Variants in ARFGAP1 observed in about 807,000 individuals in gnomAD.
ARFGAP1 encodes the protein ARF GTPase activating protein 1.
In ARFGAP1, 26 loss-of-function variants were observed where a neutral mutation model predicts 54.0. The ratio of observed to expected loss-of-function variants is 0.48; its 90% CI spans 0.35 to 0.67. The LOEUF (loss-of-function observed/expected upper bound fraction) is 0.67, where lower values mean the gene tolerates loss of function less well. Ranked by LOEUF, ARFGAP1 falls within the 30% of genes least tolerant of loss-of-function variation. The probability of loss-of-function intolerance (pLI) is 0.00; values close to 1 mark genes in which losing one functional copy is unlikely to be tolerated. For synonymous variants in ARFGAP1, 248 were observed against 211.9 expected (o/e 1.17, Z -1.48); for missense variants, 525 against 535.8 (o/e 0.98, Z 0.20).
At chr20:63,274,652 G>A (rs531962109) in intron 1 of ARFGAP1, among the ~76,000 whole-genome samples, 7 of 152,290 alleles carry the variant, frequency 4.6e-5, no homozygotes, top group Non-Finnish European at 8.8e-5. Context: ...AGGGATCCAG[G>A]TCTGCTGCCT....
In ARFGAP1 at chr20:63,278,969, A is replaced by G. The variant is rs2067308544; in HGVS notation, c.601A>G (p.Asn201Asp). The G allele has an allele frequency of 1.2e-6, 2 of 1,613,924 alleles. No homozygotes were observed. The highest frequency in any genetic ancestry group is 2.7e-5 in the African/African-American group (2 of 74,926). The change falls in exon 7 of 13, where the codon AAC (asparagine) becomes GAC (aspartate). Residue 201 changes from asparagine to aspartate, a missense_variant. Physicochemically the swap from Asn to Asp is conservative, Grantham distance 23. This residue lies in a region of ARFGAP1 where 466 missense variants were observed against 453.6 expected (regional missense o/e 1.03). Coordinates refer to ENST00000370283, the MANE Select transcript of ARFGAP1 (RefSeq NM_018209.4). The part of the protein sequence containing the change: ...PPQKKEDDFL[N>D]NAMSSLYSGW... ...TCAGAAGAAAGAAGATGACTTCCTC[A>G]ACAACGCCATGTCCTCCCTGTACTC...
intron 1 of ARFGAP1, among the ~76,000 whole-genome samples, chr20:63,274,464 A>G (rs1271678166): frequency 6.6e-6 from 1 of 152,138 alleles, no homozygotes; most frequent in Non-Finnish European, 1.5e-5. Flanking sequence ...TCTTAAACAC[A>G]GTGAAGGAGG....
chr20:63,276,317 A>ACTGCCATTGCATG lies in ARFGAP1; in HGVS notation c.170+117_170+118insCTGCCATTGCATG. ...GGGGGCCACCTCCCATTGCATTGCC[A>ACTGCCATTGCATG]GTGTCCACTCTAGTGACGCCATGGC... On this transcript the variant is annotated intron_variant, in intron 3 of 12. Transcript: ENST00000370283. The surrounding 1 kb of genome is among the most constrained non-coding windows in gnomAD (Gnocchi z 5.2). 1 of 1,383,954 alleles carries ACTGCCATTGCATG rather than the reference A, an allele frequency of 7.2e-7. No homozygotes were observed. The highest frequency in any genetic ancestry group is 1.0e-6 in the Non-Finnish European group (1 of 991,264). The allele number at this position is 1,383,954 out of a possible 1,614,324, so 85.7% of individuals were successfully genotyped here.
chr20:63,280,121 G>A (rs547854550), intron 7 of ARFGAP1, among the ~76,000 whole-genome samples: 42 of 152,120 alleles, frequency 2.8e-4, no homozygotes, highest in Non-Finnish European at 4.9e-4. Context: ...CGACCTGGGC[G>A]ACAGAGTCCG....
Position 63,276,790 on chromosome 20 carries a change from G to C in ARFGAP1, c.342+139G>C, listed in dbSNP as rs1205787719. ...ACACCCACTGGGCCACACACAACTT[G>C]CCGCCCTGGAGCAGAGGCTTCCTGC... On this transcript the variant is annotated intron_variant, in intron 4 of 12. Coordinates refer to ENST00000370283, the MANE Select transcript of ARFGAP1 (RefSeq NM_018209.4). The surrounding 1 kb of genome is among the most constrained non-coding windows in gnomAD (Gnocchi z 5.2). The C allele has an allele frequency of 1.9e-6, 2 of 1,046,206 alleles. No individual in the cohort carries two copies. Among genetic ancestry groups the C allele is most frequent in the African/African-American group, 1.6e-5 (1 of 62,144 alleles). The allele number at this position is 1,046,206 out of a possible 1,614,324, so 64.8% of individuals were successfully genotyped here. A position where few individuals can be genotyped will look rare whatever the true frequency, so the allele number is the denominator to read the frequency against.
intron 1 of ARFGAP1, among the ~76,000 whole-genome samples, chr20:63,274,973 C>T (rs1047281946): frequency 6.6e-6 from 1 of 152,220 alleles, no homozygotes; most frequent in Non-Finnish European, 1.5e-5. Context: ...CCTGCAGCAG[C>T]CACACTGTCG....
intron 7 of ARFGAP1, among the ~76,000 whole-genome samples, chr20:63,279,610 C>T (rs1447963272): frequency 6.6e-6 from 1 of 152,182 alleles, no homozygotes; most frequent in Non-Finnish European, 1.5e-5. Context: ...AGGTTCTCTG[C>T]AGAGGGGAGT....
At chr20:63,285,518 T>C (rs1844584798) in intron 10 of ARFGAP1, 136 bp from the exon 11 acceptor site, 3 of 908,246 alleles carry the variant, frequency 3.3e-6, no homozygotes, top group East Asian at 2.4e-5. Context: ...TGTAGAACTT[T>C]CTGGGGCTCA....
At position 63,283,770 on chromosome 20, in the gene ARFGAP1, T is replaced by C. The variant is rs368686662; in HGVS notation, c.717+919T>C. The C allele has an allele frequency of 4.8e-5, 73 of 1,528,592 alleles. No homozygotes were observed. The African/African-American group carries it at 8.7e-4, about 18-fold the overall frequency. The allele number at this position is 1,528,592 out of a possible 1,614,324, so 94.7% of individuals were successfully genotyped here. A position where few individuals can be genotyped will look rare whatever the true frequency, so the allele number is the denominator to read the frequency against. Reference sequence around the variant, plus strand: ...GCCTTAGTGTTGCGGCACCCCATGGTGGGTTCGAAGGCGCTGCTGGTTACT... The same window carrying C: ...GCCTTAGTGTTGCGGCACCCCATGGCGGGTTCGAAGGCGCTGCTGGTTACT... On this transcript the variant is annotated intron_variant, in intron 9 of 12. Transcript: ENST00000370283.
intron 11 of ARFGAP1, 36 bp downstream of exon 11, chr20:63,285,749 G>GCCAGT: frequency 6.2e-7 from 1 of 1,606,268 alleles, no homozygotes; most frequent in Non-Finnish European, 8.5e-7. Flanking sequence ...CACAGTCGAA[G>GCCAGT]CCAGTCTCCA....
At chr20:63,284,787 T>C (rs2067481452) in intron 9 of ARFGAP1, 79 bp from the exon 10 acceptor site, 3 of 1,585,488 alleles carry the variant, frequency 1.9e-6, no homozygotes, top group Non-Finnish European at 2.6e-6. Context: ...TGCTGCCCTT[T>C]GCTGGCCTGT....
At chr20:63,277,946 C>G (rs2067276004) in intron 5 of ARFGAP1, among the ~76,000 whole-genome samples, 171 bp from the exon 6 acceptor site, 4 of 152,206 alleles carry the variant, frequency 2.6e-5, no homozygotes, top group African/African-American at 9.6e-5. Context: ...GGGGTTTCAG[C>G]ACCTGAGCCC....
chr20:63,283,383 G>GAATCACA, intron 9 of ARFGAP1: 1 of 197,598 alleles, frequency 5.1e-6, no homozygotes, highest in Non-Finnish European at 1.0e-5. Flanking sequence ...GCTGTGATCT[G>GAATCACA]GCTGTCCTCG....
At chr20:63,286,560 G>A in intron 12 of ARFGAP1, 118 bp downstream of exon 12, 2 of 1,008,154 alleles carry the variant, frequency 2.0e-6, no homozygotes, top group Non-Finnish European at 2.9e-6. Flanking sequence ...CACTGTGGAG[G>A]CTCTCCGGGA....
chr20:63,282,457 G>T (rs2067409897), intron 8 of ARFGAP1, among the ~76,000 whole-genome samples: 1 of 152,260 alleles, frequency 6.6e-6, no homozygotes. Flanking sequence ...ACTGTCCATT[G>T]AAGATAGCGC....
intron 2 of ARFGAP1, among the ~76,000 whole-genome samples, 175 bp downstream of exon 2, chr20:63,275,815 T>C (rs2067221000): frequency 2.0e-5 from 3 of 152,058 alleles, no homozygotes; most frequent in African/African-American, 7.2e-5. Context: ...GCTCTTAGAG[T>C]GGTGCCATTT....
Position 63,282,865 on chromosome 20 carries a change from A to G in ARFGAP1, c.717+14A>G, listed in dbSNP as rs148020814. The G allele has an allele frequency of 1.2e-6, 2 of 1,614,000 alleles. No homozygotes were observed. The highest frequency in any genetic ancestry group is 4.5e-5 in the East Asian group (2 of 44,888). ...GCGAGTCAGAAGGTAACAGAGGAGA[A>G]GCTTCTGCACCCTGGTGCATCTGAA... On this transcript the variant is annotated intron_variant, in intron 9 of 12. Coordinates refer to ENST00000370283, the MANE Select transcript of ARFGAP1 (RefSeq NM_018209.4).
Position 63,277,186 on chromosome 20 carries a change from C to A in ARFGAP1, c.343-19C>A. 6.2e-7 allele frequency: 1 copy of A among 1,607,270 alleles called. No homozygotes were observed. Among genetic ancestry groups the A allele is most frequent in the Non-Finnish European group, 8.5e-7 (1 of 1,176,890 alleles). On this transcript the variant is annotated intron_variant, in intron 4 of 12. Transcript: ENST00000370283. ...CCAGGCGCCTTTATGCTCTCGAATG[C>A]CCTGTGTCTCCTTGTCAGGTGGTCG...
chr20:63,279,811 A>G (rs555173160), intron 7 of ARFGAP1, among the ~76,000 whole-genome samples: 70 of 152,238 alleles, frequency 4.6e-4, no homozygotes, highest in Non-Finnish European at 8.8e-4. Context: ...ATTTTGTTCC[A>G]CTTTCTTTTT....
Sources: gnomAD v4.1 joint callset for allele counts (sites outside exome capture counted in the v4.1 genomes callset) on GRCh38, gnomAD v4.1.1 for gene constraint, gnomAD v4.1.1 regional missense constraint, Gnocchi (gnomAD v3.1) non-coding constraint, MANE v1.5 for transcripts, NCBI Gene and HGNC (gene_info 2026-07-23, HGNC 2026-07-21) for gene names.